The following ACBD6 variants were observed in gnomAD, a reference collection of about 807,000 sequenced individuals.
ACBD6 encodes the protein acyl-CoA-binding domain-containing protein 6.
ACBD6 carries 28 observed loss-of-function variants against 37.2 expected under a neutral mutation model. That is an observed-to-expected ratio of 0.75 (90% CI 0.56 to 1.03). The LOEUF (loss-of-function observed/expected upper bound fraction) is 1.03. ACBD6 is among the 50% of genes least tolerant of loss of function. The probability of loss-of-function intolerance (pLI) is 0.00; values close to 1 mark genes in which losing one functional copy is unlikely to be tolerated. For synonymous variants in ACBD6, 113 were observed against 126.8 expected (o/e 0.89, Z 0.73); for missense variants, 340 against 337.4 (o/e 1.01, Z -0.06).
At chr1:180,275,145 C>A (rs1648953016) in exon 10 of ACBD6, 1 of 152,280 alleles carries the variant, frequency 6.6e-6, no homozygotes, top group Non-Finnish European at 1.5e-5. Context: ...AACATGCCCC[C>A]TCCTTTTTTA....
In ACBD6 at chr1:180,436,405, A is replaced by C. The variant is rs533732413; in HGVS notation, c.385-6143T>G. ...TATCTTCATGACCTGTTCCCACCCC[A>C]GTTCATCGTCACCTCTTTTACACCA... On this transcript the variant is annotated intron_variant, in intron 3 of 7. Coordinates refer to ENST00000367595, the MANE Select transcript of ACBD6 (RefSeq NM_032360.4). 7.2e-5 allele frequency among the ~76,000 whole-genome samples: 11 copies of C among 152,292 alleles called. No individual in the cohort carries two copies. In the South Asian group the frequency reaches 1.5e-3, roughly 20 times the overall value.
intron 6 of ACBD6, among the ~76,000 whole-genome samples, chr1:180,390,015 T>C (rs9662495): frequency 0.96 from 144,764 of 151,584 alleles, 69,194 homozygotes; most frequent in African/African-American, 0.99. Context: ...AATTAGATCC[T>C]ATTTGTCAAT....
chr1:180,328,367 G>GTA (rs1188329676), intron 6 of ACBD6, among the ~76,000 whole-genome samples: 1 of 150,808 alleles, frequency 6.6e-6, no homozygotes, highest in Non-Finnish European at 1.5e-5. Context: ...TACAGGCAAT[G>GTA]TATATATACA....
intron 7 of ACBD6, 110 bp downstream of exon 7, chr1:180,314,582 G>T: frequency 3.4e-6 from 3 of 893,142 alleles, no homozygotes; most frequent in Non-Finnish European, 5.3e-6. Flanking sequence ...TTGTATCTCT[G>T]CTAGCTGCCA....
At chr1:180,486,785 A>G (rs1383942249) in intron 3 of ACBD6, among the ~76,000 whole-genome samples, 1 of 152,202 alleles carries the variant, frequency 6.6e-6, no homozygotes. Flanking sequence ...ATAGTAAAGA[A>G]GTCTGGCAGA....
chr1:180,398,402 G>A (rs1018591874), intron 5 of ACBD6, among the ~76,000 whole-genome samples: 6 of 151,942 alleles, frequency 3.9e-5, no homozygotes, highest in African/African-American at 4.8e-5. Context: ...AAATTTCCTC[G>A]AGTTCATTCC....
intron 1 of ACBD6, among the ~76,000 whole-genome samples, chr1:180,499,364 T>C (rs539951979): frequency 2.0e-5 from 3 of 152,326 alleles, no homozygotes; most frequent in South Asian, 4.1e-4. Context: ...AAGCATATTA[T>C]TCTCTAACAA....
At chr1:180,498,217 T>C (rs753326945) in intron 1 of ACBD6, among the ~76,000 whole-genome samples, 23 of 152,224 alleles carry the variant, frequency 1.5e-4, no homozygotes, top group Non-Finnish European at 3.1e-4. Flanking sequence ...GTCAAGCTCA[T>C]GGTGGCAGAT....
intron 6 of ACBD6, among the ~76,000 whole-genome samples, chr1:180,328,695 A>T (rs1170733996): frequency 1.3e-5 from 2 of 152,180 alleles, no homozygotes; most frequent in Admixed American, 6.5e-5. Flanking sequence ...GTAATAAAAA[A>T]TTTTGAGTTA....
chr1:180,316,960 A>C (rs1338835294), intron 6 of ACBD6, among the ~76,000 whole-genome samples: 1 of 152,222 alleles, frequency 6.6e-6, no homozygotes, highest in Non-Finnish European at 1.5e-5. Flanking sequence ...CTCTATAAGA[A>C]GGTATGTTTA....
chr1:180,389,549 T>C (rs533808725), intron 6 of ACBD6, among the ~76,000 whole-genome samples: 6,603 of 152,274 alleles, frequency 0.043, 452 homozygotes, highest in African/African-American at 0.14. Context: ...ATGGTATTTC[T>C]AGTTCTAGAT....
At chr1:180,314,866 C>T (rs1650737480) in intron 6 of ACBD6, 144 bp from the exon 7 acceptor site, 1 of 640,530 alleles carries the variant, frequency 1.6e-6, no homozygotes, top group African/African-American at 1.8e-5. Context: ...AACTGAGCTT[C>T]ACCGTAACTT....
At chr1:180,453,055 A>G (rs1244627067) in intron 3 of ACBD6, among the ~76,000 whole-genome samples, 1 of 152,258 alleles carries the variant, frequency 6.6e-6, no homozygotes, top group East Asian at 1.9e-4. Flanking sequence ...AAACCTCCCT[A>G]ACTCATTTTA....
At chr1:180,378,697 C>A (rs1337520209) in intron 6 of ACBD6, among the ~76,000 whole-genome samples, 4 of 152,194 alleles carry the variant, frequency 2.6e-5, no homozygotes, top group Non-Finnish European at 4.4e-5. Flanking sequence ...CCAGCCCAGC[C>A]CACTACAAGT....
intron 3 of ACBD6, among the ~76,000 whole-genome samples, chr1:180,437,931 G>A (rs2102008461): frequency 6.6e-6 from 1 of 152,278 alleles, no homozygotes; most frequent in Middle Eastern, 3.4e-3. Context: ...ATGAGGGTAT[G>A]CACAGAATGT....
chr1:180,454,462 T>A (rs1649837967), intron 3 of ACBD6, among the ~76,000 whole-genome samples: 1 of 152,322 alleles, frequency 6.6e-6, no homozygotes. Context: ...GACATAGGCA[T>A]GGGCAAAGAC....
At chr1:180,412,204 CAT>C (rs1647890190) in intron 5 of ACBD6, among the ~76,000 whole-genome samples, 1 of 151,620 alleles carries the variant, frequency 6.6e-6, no homozygotes, top group African/African-American at 2.4e-5. Flanking sequence ...GTGAAAAACA[CAT>C]AGTATTACTA....
chr1:180,485,654 A>C lies in ACBD6; in HGVS notation c.384+6615T>G, dbSNP rs184846472. Among the ~76,000 whole-genome samples the C allele has an allele frequency of 1.9e-3, 295 of 152,328 alleles. 2 individuals are homozygous for C. The highest frequency in any genetic ancestry group is 6.9e-3 in the African/African-American group (286 of 41,578). On this transcript the variant is annotated intron_variant, in intron 3 of 7. Transcript: ENST00000367595. ...CTAACACCTTCTTTCCAACACCTCC[A>C]CAACTGTGAGAGAATAATTTTCTGT...
At chr1:180,481,052 C>A (rs889268705) in intron 3 of ACBD6, among the ~76,000 whole-genome samples, 6 of 149,518 alleles carry the variant, frequency 4.0e-5, no homozygotes, top group Admixed American at 2.0e-4. Context: ...AAAAAAAAAA[C>A]AAGATTTTAT....
Sources: allele counts gnomAD v4.1 joint callset (sites outside exome capture counted in the v4.1 genomes callset), GRCh38; gene constraint gnomAD v4.1.1; transcripts MANE v1.5; gene names NCBI Gene and HGNC (gene_info 2026-07-23, HGNC 2026-07-21).